SLC34A2: variants seen among roughly 807,000 people sequenced by gnomAD.
SLC34A2 encodes sodium-dependent phosphate transport protein 2B.
A neutral mutation model predicts 50.8 loss-of-function variants in SLC34A2; 41 were observed. The observed-to-expected ratio is 0.81, with a 90% CI of 0.63 to 1.05. The LOEUF is 1.05. Among genes scored for constraint, SLC34A2 ranks in the 50% least tolerant of loss-of-function variants. SLC34A2 has a pLI of 0.00. For synonymous variants in SLC34A2, 401 were observed against 364.2 expected (o/e 1.10, Z -1.15); for missense variants, 879 against 876.7 (o/e 1.00, Z -0.03).
At chr4:25,664,893 C>T (rs530928328) in intron 4 of SLC34A2, 4,173 of 233,464 alleles carry the variant, frequency 0.018, 171 homozygotes, top group African/African-American at 0.082. Context: ...AGCAGCACTC[C>T]GTCTACTGGG....
chr4:25,672,481 C>T (rs1368780677), intron 9 of SLC34A2, among the ~76,000 whole-genome samples: 2 of 152,100 alleles, frequency 1.3e-5, no homozygotes, highest in Non-Finnish European at 2.9e-5. Context: ...CCCAGCCATC[C>T]TTCGTTATTC....
rs780459503 is a variant in SLC34A2 at position 25,671,617 on chromosome 4, C to T, written c.944C>T (p.Thr315Ile). The T allele has an allele frequency of 2.6e-5, 42 of 1,614,062 alleles. No homozygotes were observed. The highest frequency in any genetic ancestry group is 5.0e-5 in the Admixed American group (3 of 59,996). Residue 315 changes from threonine to isoleucine, a missense_variant, in exon 9 of 13, where the codon ACT (threonine) becomes ATT (isoleucine). Physicochemically the swap from Thr to Ile is moderately conservative, Grantham distance 89 (BLOSUM62 -1). Transcript: ENST00000382051. ...TFTNKTQINV[T>I]VPSTANCTSP... ...GTCATCCAGACCCAGATTAACGTCA[C>T]TGTTCCCTCGACTGCTAACTGCACC...
chr4:25,669,626 G>A (rs745408879), intron 6 of SLC34A2, 21 bp from the exon 7 acceptor site: 1 of 1,612,598 alleles, frequency 6.2e-7, no homozygotes, highest in East Asian at 2.2e-5. Flanking sequence ...TAATCTGGCT[G>A]TCGGGGTTTC....
intron 1 of SLC34A2, among the ~76,000 whole-genome samples, chr4:25,662,277 C>T (rs1021226122): frequency 1.3e-4 from 20 of 152,326 alleles, no homozygotes; most frequent in East Asian, 3.9e-4. Context: ...TTTGCTTTAG[C>T]GACTGGGTGA....
intron 6 of SLC34A2, among the ~76,000 whole-genome samples, chr4:25,668,702 A>G (rs1714646321): frequency 6.6e-6 from 1 of 151,948 alleles, no homozygotes; most frequent in Non-Finnish European, 1.5e-5. Flanking sequence ...ACTTATTTAA[A>G]CTTCCACTTT....
At chr4:25,669,922 T>G in intron 7 of SLC34A2, 80 bp downstream of exon 7, 1 of 1,246,196 alleles carries the variant, frequency 8.0e-7, no homozygotes, top group Non-Finnish European at 1.2e-6. Flanking sequence ...AGATATAGAG[T>G]GTCTACAACA....
Position 25,674,531 on chromosome 4 carries a change from G to T in SLC34A2, c.1360G>T (p.Ala454Ser). ...IGIGVITIERAYPLTLGSNIG... is the reference protein window; with the variant it reads ...IGIGVITIERSYPLTLGSNIG... ...AATCGGCGTGATAACCATTGAGAGG[G>T]CTTATCCACTCACGCTGGGCTCCAA... Residue 454 changes from alanine to serine, a missense_variant, in exon 12 of 13, where the codon GCT (alanine) becomes TCT (serine). Transcript: ENST00000382051. The T allele has an allele frequency of 6.2e-7, 1 of 1,614,174 alleles. No individual in the cohort carries two copies. The highest frequency in any genetic ancestry group is 8.5e-7 in the Non-Finnish European group (1 of 1,180,036).
At position 25,673,137 on chromosome 4, in the gene SLC34A2, A is replaced by T. The variant is rs768442620; in HGVS notation, c.1099A>T (p.Ile367Phe). The stretch of plus-strand genomic sequence containing the variant: ...CCTCCCGGATCTTGCTGTGGGCACC[A>T]TCTTGCTCATACTCTCCCTGCTGGT... ...FHLPDLAVGT[I>F]LLILSLLVLC... Residue 367 changes from isoleucine to phenylalanine, a missense_variant, in exon 10 of 13, where the codon ATC (isoleucine) becomes TTC (phenylalanine). Coordinates refer to ENST00000382051, the MANE Select transcript of SLC34A2 (RefSeq NM_006424.3). 4 of 1,613,968 alleles carry T rather than the reference A, an allele frequency of 2.5e-6. No individual in the cohort carries two copies. The highest frequency in any genetic ancestry group is 1.3e-5 in the African/African-American group (1 of 74,892).
Position 25,664,244 on chromosome 4 carries a change from T to C in SLC34A2, c.293T>C (p.Ile98Thr), listed in dbSNP as rs1714368044. The C allele has an allele frequency of 6.2e-7, 1 of 1,601,748 alleles. No individual in the cohort carries two copies. Among genetic ancestry groups the C allele is most frequent in the Non-Finnish European group, 8.5e-7 (1 of 1,172,880 alleles). The change falls in exon 4 of 13, where the codon ATT becomes ACT. Residue 98 changes from isoleucine (I) to threonine (T), a missense_variant. By Grantham distance (89) the Ile-to-Thr change is moderately conservative (BLOSUM62 -1). Transcript: ENST00000382051. ...AAGATTCTCTGTTTCTTCCAAGGGATTGGGAGATTGATTTTACTTCTCGGA... is the reference window on the plus strand; with the variant it reads ...AAGATTCTCTGTTTCTTCCAAGGGACTGGGAGATTGATTTTACTTCTCGGA... Reference protein sequence around the residue: ...KGKILCFFQGIGRLILLLGFL... With the variant: ...KGKILCFFQGTGRLILLLGFL...
chr4:25,662,756 C>A lies in SLC34A2; in HGVS notation c.164C>A (p.Ser55Tyr). Reference sequence around the variant, plus strand: ...AAGATTGAACTTCTGCCGTCCTACTCCACGGCTACACTGATAGATGAGCCC... The same window carrying A: ...AAGATTGAACTTCTGCCGTCCTACTACACGGCTACACTGATAGATGAGCCC... ...VTKIELLPSY[S>Y]TATLIDEPTE... is the part of the protein sequence containing the mutation. The change falls in exon 3 of 13, where the codon TCC becomes TAC. Residue 55 changes from serine (S) to tyrosine (Y), a missense_variant. Physicochemically the swap from Ser to Tyr is moderately radical, Grantham distance 144 (BLOSUM62 -2). Coordinates refer to ENST00000382051, the MANE Select transcript of SLC34A2 (RefSeq NM_006424.3). The A allele has an allele frequency of 6.2e-7, 1 of 1,614,092 alleles. No homozygotes were observed. Among genetic ancestry groups the A allele is most frequent in the East Asian group, 2.2e-5 (1 of 44,872 alleles).
rs865848979 is a variant in SLC34A2, at chr4:25,676,720, G to T, written c.2044G>T (p.Asp682Tyr). Residue 682 changes from aspartate to tyrosine, a missense_variant, in exon 13 of 13, where the codon GAC becomes TAC. Transcript: ENST00000382051. ...REAQGEVPAS[D>Y]SKTECTAL ...GGCTCAGGGTGAGGTCCCTGCCTCG[G>T]ACTCAAAGACCGAATGCACGGCCTT... The T allele has an allele frequency of 6.2e-7, 1 of 1,614,072 alleles. No homozygotes were observed. Among genetic ancestry groups the T allele is most frequent in the Non-Finnish European group, 8.5e-7 (1 of 1,180,048 alleles).
At position 25,676,883 on chromosome 4, in the gene SLC34A2, A is replaced by G; in HGVS notation, c.*134A>G. ...TAGCGAATGAAATTGATGCAGTCCT[A>G]CCTAACTCGATTCCCTTTGGCTTGG... is the stretch of plus-strand genomic sequence containing the variant. On this transcript the variant is annotated 3_prime_UTR_variant, in exon 13 of 13. Transcript: ENST00000382051. 2 of 1,257,016 alleles carry G rather than the reference A, an allele frequency of 1.6e-6. No homozygotes were observed. The highest frequency in any genetic ancestry group is 2.2e-6 in the Non-Finnish European group (2 of 906,442). The allele number at this position is 1,257,016 out of a possible 1,614,324, so 77.9% of individuals were successfully genotyped here. A position where few individuals can be genotyped will look rare whatever the true frequency, so the allele number is the denominator to read the frequency against.
intron 8 of SLC34A2, 57 bp from the exon 9 acceptor site, chr4:25,671,544 C>T (rs1337838204): frequency 6.2e-7 from 1 of 1,613,174 alleles, no homozygotes; most frequent in Non-Finnish European, 8.5e-7. Flanking sequence ...CCCGCCATTG[C>T]CTCCCATTCC....
At position 25,658,621 on chromosome 4, in the gene SLC34A2, G is replaced by T. The variant is rs367630379; in HGVS notation, c.-4+2731G>T. On this transcript the variant is annotated intron_variant, in intron 1 of 12. Transcript: ENST00000382051. ...GGCAGTGGGTGCCCATGTGGTGCAG[G>T]AAGTGGAGCCAAGAGGGTGAGGCAC... Among the ~76,000 whole-genome samples the T allele has an allele frequency of 1.9e-3, 296 of 152,336 alleles. 11 individuals carry two copies. The South Asian group carries it at 0.06, about 31-fold the overall frequency.
intron 10 of SLC34A2, among the ~76,000 whole-genome samples, chr4:25,673,647 C>T (rs1345272874): frequency 1.3e-5 from 2 of 152,192 alleles, no homozygotes; most frequent in South Asian, 2.1e-4. Flanking sequence ...TGCATAAATA[C>T]ATCAGCATCT....
At position 25,662,794 on chromosome 4, in the gene SLC34A2, G is replaced by A. The variant is rs1363830519; in HGVS notation, c.202G>A (p.Asp68Asn). Residue 68 changes from aspartate (D) to asparagine (N), a missense_variant, in exon 3 of 13, where the codon GAC becomes AAC. By Grantham distance (23) the Asp-to-Asn change is conservative. Transcript: ENST00000382051. Reference sequence around the variant, plus strand: ...GATAGATGAGCCCACTGAGGTGGATGACCCCTGGAACCTACCCACTCTTCA... The same window carrying A: ...GATAGATGAGCCCACTGAGGTGGATAACCCCTGGAACCTACCCACTCTTCA... Reference protein sequence around the residue: ...TLIDEPTEVDDPWNLPTLQDS... With the variant: ...TLIDEPTEVDNPWNLPTLQDS... The A allele has an allele frequency of 6.2e-7, 1 of 1,614,070 alleles. No individual in the cohort carries two copies. The highest frequency in any genetic ancestry group is 8.5e-7 in the Non-Finnish European group (1 of 1,180,020).
intron 4 of SLC34A2, among the ~76,000 whole-genome samples, chr4:25,665,378 G>T (rs900353298): frequency 1.3e-5 from 2 of 151,922 alleles, no homozygotes; most frequent in African/African-American, 4.8e-5. Context: ...TGTTGGTCAG[G>T]CTGGTCTGCA....
rs995352868 is a variant in SLC34A2 at position 25,671,715 on chromosome 4, G to T, written c.1042G>T (p.Ala348Ser). 6.2e-7 allele frequency: 1 copy of T among 1,614,046 alleles called. No homozygotes were observed. The highest frequency in any genetic ancestry group is 8.5e-7 in the Non-Finnish European group (1 of 1,180,036). The change falls in exon 9 of 13, where the codon GCC becomes TCC. Residue 348 changes from alanine to serine, a missense_variant. Ala to Ser is a moderately conservative substitution (Grantham distance 99). Coordinates refer to ENST00000382051, the MANE Select transcript of SLC34A2 (RefSeq NM_006424.3). ...MKNVTYKENI[A>S]KCQHIFVNFH... Reference sequence around the variant, plus strand: ...GAATGTGACCTACAAGGAGAACATCGCCAAATGTGAGTGGAGCTCAGTGGA... The same window carrying T: ...GAATGTGACCTACAAGGAGAACATCTCCAAATGTGAGTGGAGCTCAGTGGA...
At chr4:25,665,257 C>T (rs1219638329) in intron 4 of SLC34A2, 2 of 179,676 alleles carry the variant, frequency 1.1e-5, no homozygotes, top group Non-Finnish European at 1.2e-5. Context: ...ACCTCCACCT[C>T]CCGGCTTCAA....
Sources: allele counts gnomAD v4.1 joint callset (sites outside exome capture counted in the v4.1 genomes callset), GRCh38; gene constraint gnomAD v4.1.1; transcripts MANE v1.5; gene names NCBI Gene and HGNC (gene_info 2026-07-23, HGNC 2026-07-21).